The following ANXA3 variants were observed in gnomAD, a reference collection of about 807,000 sequenced individuals.
The protein encoded by ANXA3 is annexin A3.
Under a neutral mutation model 48.8 loss-of-function variants are expected in ANXA3, and 46 were observed. The observed-to-expected ratio is 0.94, with a 90% CI of 0.74 to 1.21. ANXA3 has a LOEUF of 1.21. Ranked by LOEUF, ANXA3 falls within the 50% of genes most tolerant of loss-of-function variation. The pLI is 0.00. For synonymous variants in ANXA3, 128 were observed against 134.7 expected (o/e 0.95, Z 0.35); for missense variants, 383 against 378.6 (o/e 1.01, Z -0.10).
chr4:78,601,440 CAT>C, intron 10 of ANXA3, 68 bp from the exon 11 acceptor site: 1 of 1,419,460 alleles, frequency 7.0e-7, no homozygotes, highest in Non-Finnish European at 9.9e-7. Context: ...TTTTAAAAAA[CAT>C]ATTACTTACT....
At chr4:78,567,702 G>T (rs944879044) in intron 2 of ANXA3, among the ~76,000 whole-genome samples, 1 of 152,328 alleles carries the variant, frequency 6.6e-6, no homozygotes, top group Admixed American at 6.5e-5. Context: ...AGTTAGTACA[G>T]CTTGCTAATA....
At chr4:78,595,682 G>T in intron 8 of ANXA3, 112 bp from the exon 9 acceptor site, 1 of 777,364 alleles carries the variant, frequency 1.3e-6, no homozygotes, top group Non-Finnish European at 2.1e-6. Flanking sequence ...GAAAGTGAGA[G>T]ATTTAGATAA....
chr4:78,598,570 C>G (rs1162477855), intron 10 of ANXA3, among the ~76,000 whole-genome samples: 1 of 151,338 alleles, frequency 6.6e-6, no homozygotes, highest in Non-Finnish European at 1.5e-5. Context: ...GACGGAGTCT[C>G]GCTCGGTTGC....
At chr4:78,597,980 C>T (rs1723455846) in intron 10 of ANXA3, among the ~76,000 whole-genome samples, 1 of 152,132 alleles carries the variant, frequency 6.6e-6, no homozygotes, top group South Asian at 2.1e-4. Flanking sequence ...AGCTTGTAGA[C>T]TTCTTGAGAG....
chr4:78,588,914 A>T (rs1272971976), intron 6 of ANXA3, among the ~76,000 whole-genome samples: 1 of 152,194 alleles, frequency 6.6e-6, no homozygotes, highest in Non-Finnish European at 1.5e-5. Flanking sequence ...ATTTCAGTTC[A>T]ACAAGGTTTA....
intron 2 of ANXA3, among the ~76,000 whole-genome samples, chr4:78,572,223 T>A (rs948395706): frequency 6.6e-5 from 10 of 152,314 alleles, no homozygotes; most frequent in Non-Finnish European, 1.5e-4. Flanking sequence ...AGAGAACCAA[T>A]GTTTTATATT....
intron 4 of ANXA3, among the ~76,000 whole-genome samples, chr4:78,579,775 T>C (rs1723035803): frequency 6.6e-6 from 1 of 151,958 alleles, no homozygotes; most frequent in African/African-American, 2.4e-5. Flanking sequence ...CTAAAAATAC[T>C]GAAATTAGCC....
At chr4:78,553,640 T>C (rs1382364086) in intron 1 of ANXA3, among the ~76,000 whole-genome samples, 1 of 152,206 alleles carries the variant, frequency 6.6e-6, no homozygotes, top group South Asian at 2.1e-4. Flanking sequence ...AGACTCTAAC[T>C]GGAGAGTTGA....
intron 5 of ANXA3, among the ~76,000 whole-genome samples, 159 bp from the exon 6 acceptor site, chr4:78,586,101 T>A (rs184034287): frequency 1.3e-5 from 2 of 152,174 alleles, no homozygotes; most frequent in Non-Finnish European, 2.9e-5. Flanking sequence ...ATGTTATTAC[T>A]AAAATATATG....
chr4:78,564,043 G>A (rs180927590), intron 2 of ANXA3, among the ~76,000 whole-genome samples: 2 of 152,336 alleles, frequency 1.3e-5, no homozygotes, highest in South Asian at 2.1e-4. Context: ...ACTGGTGCTA[G>A]ATGACTCAAA....
chr4:78,604,383 T>C lies in ANXA3; in HGVS notation c.896T>C (p.Leu299Pro), dbSNP rs764636365. ...TTCAAGAAGCATTATGGCTATTCCC[T>C]ATATTCAGCAATTAAAGTAAGTCTA... is the stretch of plus-strand genomic sequence containing the variant. ...TEFKKHYGYS[L>P]YSAIKSDTSG... is the part of the protein sequence containing the mutation. Residue 299 changes from leucine to proline, a missense_variant, in exon 12 of 13, where the codon CTA (leucine) becomes CCA (proline). Leu to Pro is a moderately conservative substitution (Grantham distance 98). Coordinates refer to ENST00000264908, the MANE Select transcript of ANXA3 (RefSeq NM_005139.3). 2.5e-6 allele frequency: 4 copies of C among 1,611,566 alleles called. No individual in the cohort carries two copies. Among genetic ancestry groups the C allele is most frequent in the Non-Finnish European group, 3.4e-6 (4 of 1,178,692 alleles).
intron 12 of ANXA3, among the ~76,000 whole-genome samples, chr4:78,606,781 T>C (rs1202809089): frequency 1.1e-5 from 1 of 91,522 alleles, no homozygotes; most frequent in Non-Finnish European, 2.9e-5. Context: ...GCACTAAACT[T>C]TTACAGAAAG....
Position 78,604,133 on chromosome 4 carries a change from GA to G in ANXA3, c.790-142del, listed in dbSNP as rs1339426251. Reference sequence around the variant, plus strand: ...GCTCAACAAATATTTCTTGAATAATGAATGATGAGTTTGATAATAAATGAAA... The same window carrying G: ...GCTCAACAAATATTTCTTGAATAATGATGATGAGTTTGATAATAAATGAAA... On this transcript the variant is annotated intron_variant, in intron 11 of 12. Transcript: ENST00000264908. 2.5e-5 allele frequency: 18 copies of G among 733,142 alleles called. No individual in the cohort carries two copies. The African/African-American group carries it at 3.1e-4, about 13-fold the overall frequency. The allele number at this position is 733,142 out of a possible 1,614,324, so 45.4% of individuals were successfully genotyped here.
At chr4:78,610,022 T>G (rs766555015) in intron 12 of ANXA3, 34 bp from the exon 13 acceptor site, 1 of 1,506,284 alleles carries the variant, frequency 6.6e-7, no homozygotes, top group South Asian at 1.1e-5. Flanking sequence ...TTATTTATAC[T>G]GTATTTGTTC....
At chr4:78,594,095 T>G (rs1723364526) in intron 7 of ANXA3, among the ~76,000 whole-genome samples, 1 of 152,170 alleles carries the variant, frequency 6.6e-6, no homozygotes, top group Non-Finnish European at 1.5e-5. Flanking sequence ...ATCTTCTTAC[T>G]GTCTCTATAG....
At chr4:78,567,534 T>A (rs1357278902) in intron 2 of ANXA3, among the ~76,000 whole-genome samples, 1 of 152,180 alleles carries the variant, frequency 6.6e-6, no homozygotes, top group South Asian at 2.1e-4. Flanking sequence ...AATGAGTAGT[T>A]TTCAGAGGTG....
chr4:78,596,024 A>G (rs920819155), intron 9 of ANXA3, 137 bp downstream of exon 9: 2 of 610,524 alleles, frequency 3.3e-6, no homozygotes, highest in South Asian at 3.9e-5. Context: ...AGGAAACAAA[A>G]TGGGAAAGCT....
At chr4:78,575,969 A>G (rs529464962) in intron 3 of ANXA3, among the ~76,000 whole-genome samples, 3 of 152,318 alleles carry the variant, frequency 2.0e-5, no homozygotes, top group Non-Finnish European at 4.4e-5. Flanking sequence ...AATGTATTGA[A>G]GAGCTCTTCC....
chr4:78,559,976 AG>A, intron 2 of ANXA3, among the ~76,000 whole-genome samples: 1 of 152,160 alleles, frequency 6.6e-6, no homozygotes, highest in Non-Finnish European at 1.5e-5. Context: ...GTTTTTGTAG[AG>A]GGGCTTCTGC....
Sources: allele counts gnomAD v4.1 joint callset (sites outside exome capture counted in the v4.1 genomes callset), GRCh38; gene constraint gnomAD v4.1.1; transcripts MANE v1.5; gene names NCBI Gene and HGNC (gene_info 2026-07-23, HGNC 2026-07-21).